The following PDGFRB variants were observed in gnomAD, a reference collection of about 807,000 sequenced individuals.
PDGFRB encodes the protein platelet-derived growth factor receptor beta.
In PDGFRB, 42 loss-of-function variants were observed where a neutral mutation model predicts 120.2. The observed-to-expected ratio is 0.35, with a 90% CI of 0.27 to 0.45. The LOEUF (loss-of-function observed/expected upper bound fraction) is 0.45. Among genes scored for constraint, PDGFRB ranks in the 20% least tolerant of loss-of-function variants. The probability of loss-of-function intolerance (pLI) is 1.00; values close to 1 mark genes in which losing one functional copy is unlikely to be tolerated. For missense variants in PDGFRB, 1,149 were observed against 1,476.3 expected (o/e 0.78, Z 3.63); for synonymous variants, 586 against 606.8 (o/e 0.97, Z 0.50).
intron 6 of PDGFRB, 65 bp downstream of exon 6, chr5:150,133,507 TCACTCTGCACCCAG>T: frequency 8.3e-7 from 1 of 1,202,562 alleles, no homozygotes; most frequent in Non-Finnish European, 1.2e-6. Context: ...ACTCTCACCA[TCACTCTGCACCCAG>T]CAAAGTGGGT....
At chr5:150,126,471 A>T (rs1477991305) in intron 11 of PDGFRB, 49 bp downstream of exon 11, 1 of 1,005,088 alleles carries the variant, frequency 9.9e-7, no homozygotes, top group Admixed American at 1.7e-5. Context: ...GAATTTATGC[A>T]AAATAATGAT....
Position 150,122,981 on chromosome 5 carries a change from G to A in PDGFRB, c.2183+61C>T, listed in dbSNP as rs895413290. On this transcript the variant is annotated intron_variant, in intron 15 of 22. Transcript: ENST00000261799. Reference sequence around the variant, plus strand: ...AGCTTCCCCTCCTGGACAAAAGGAGGGGAAGGAGCGGTGCTCCTCAGGTAT... The same window carrying A: ...AGCTTCCCCTCCTGGACAAAAGGAGAGGAAGGAGCGGTGCTCCTCAGGTAT... 2.1e-6 allele frequency: 3 copies of A among 1,415,650 alleles called. No homozygotes were observed. In the African/African-American group the frequency reaches 4.2e-5, roughly 20 times the overall value. The allele number at this position is 1,415,650 out of a possible 1,614,324, so 87.7% of individuals were successfully genotyped here.
chr5:150,122,503 T>C (rs1220936825), intron 15 of PDGFRB, among the ~76,000 whole-genome samples: 5 of 152,278 alleles, frequency 3.3e-5, no homozygotes. Flanking sequence ...CTTTGGCTCC[T>C]GGGAGACTGA....
At chr5:150,135,089 A>C (rs1760585926) in intron 3 of PDGFRB, 73 bp from the exon 4 acceptor site, 3 of 779,418 alleles carry the variant, frequency 3.8e-6, no homozygotes, top group African/African-American at 3.4e-5. Flanking sequence ...CTGTGTGGCA[A>C]GTCATTTGCC....
intron 22 of PDGFRB, among the ~76,000 whole-genome samples, chr5:150,116,283 G>A (rs77572472): frequency 0.029 from 4,423 of 152,170 alleles, 210 homozygotes; most frequent in African/African-American, 0.096. Flanking sequence ...TGCAATGACC[G>A]CCTAATAGAA....
chr5:150,134,261 A>G (rs1288725015), intron 4 of PDGFRB, among the ~76,000 whole-genome samples: 1 of 152,226 alleles, frequency 6.6e-6, no homozygotes, highest in Non-Finnish European at 1.5e-5. Flanking sequence ...CAGTCTGGAA[A>G]TCAAAGTACC....
chr5:150,132,586 G>C lies in PDGFRB; in HGVS notation c.1127+164C>G, dbSNP rs1194801112. On this transcript the variant is annotated intron_variant, in intron 7 of 22. Coordinates refer to ENST00000261799, the MANE Select transcript of PDGFRB (RefSeq NM_002609.4). This position sits in a 1 kb window ranked among gnomAD's most constrained non-coding sequence, Gnocchi z 5.0. ...TTCCTCCACTAGACTAGAAACTCTA[G>C]GAGGGATGAACTGTCAGCTCTGGTC... 6.6e-6 allele frequency among the ~76,000 whole-genome samples: 1 copy of C among 152,262 alleles called. No individual in the cohort carries two copies. Among genetic ancestry groups the C allele is most frequent in the African/African-American group, 2.4e-5 (1 of 41,470 alleles).
intron 1 of PDGFRB, among the ~76,000 whole-genome samples, chr5:150,147,284 C>T (rs1235696765): frequency 1.3e-5 from 2 of 152,218 alleles, no homozygotes; most frequent in Non-Finnish European, 2.9e-5. Flanking sequence ...AGCCTCATCT[C>T]CGGCCGGTGC....
At position 150,114,878 on chromosome 5, in the gene PDGFRB, C is replaced by T. The variant is rs1759876851; in HGVS notation, c.*885G>A. 4.3e-6 allele frequency: 1 copy of T among 233,326 alleles called. No homozygotes were observed. Among genetic ancestry groups the T allele is most frequent in the African/African-American group, 2.2e-5 (1 of 45,336 alleles). The allele number at this position is 233,326 out of a possible 1,614,324, so 14.5% of individuals were successfully genotyped here. ...TTCCTCCAAAGCCTCATAGCAGGTC[C>T]AATGCAGAGCCAGGGCCATATACTG... On this transcript the variant is annotated 3_prime_UTR_variant, in exon 23 of 23. Coordinates refer to ENST00000261799, the MANE Select transcript of PDGFRB (RefSeq NM_002609.4).
intron 1 of PDGFRB, among the ~76,000 whole-genome samples, chr5:150,143,198 A>G (rs1054624204): frequency 6.6e-6 from 1 of 152,234 alleles, no homozygotes; most frequent in Non-Finnish European, 1.5e-5. Flanking sequence ...AAAGCTTGTA[A>G]GTTGTTTATT....
At chr5:150,129,691 T>C (rs750646503) in intron 10 of PDGFRB, 66 bp downstream of exon 10, 4 of 1,361,696 alleles carry the variant, frequency 2.9e-6, no homozygotes, top group Non-Finnish European at 2.1e-6. Flanking sequence ...CATGGGCACA[T>C]TACCAATTAG....
chr5:150,155,657 G>A lies in PDGFRB; in HGVS notation c.-267C>T, dbSNP rs1761211074. ...ACTCCCCAAGCATCCTTCGGGAGGA[G>A]CAGAGCCGCCAGAGGGGCCGCCCTG... On this transcript the variant is annotated 5_prime_UTR_variant, in exon 1 of 23. Transcript: ENST00000261799. 2.5e-6 allele frequency: 1 copy of A among 398,744 alleles called. No homozygotes were observed. The highest frequency in any genetic ancestry group is 2.1e-5 in the African/African-American group (1 of 48,768). 24.7% of individuals were successfully genotyped at this position (398,744 alleles called of 1,614,324 possible).
chr5:150,140,419 G>A (rs912501965), intron 1 of PDGFRB, among the ~76,000 whole-genome samples: 1 of 152,200 alleles, frequency 6.6e-6, no homozygotes, highest in Non-Finnish European at 1.5e-5. Flanking sequence ...CTAGAGCAGA[G>A]AGAGGGAGGG....
chr5:150,119,825 TAA>T lies in PDGFRB; in HGVS notation c.2698+185_2698+186del, dbSNP rs1441484831. Among the ~76,000 whole-genome samples, 4 of 152,086 alleles carry T rather than the reference TAA, an allele frequency of 2.6e-5. No individual in the cohort carries two copies. The South Asian group carries it at 6.2e-4, about 24-fold the overall frequency. On this transcript the variant is annotated intron_variant, in intron 19 of 22. Coordinates refer to ENST00000261799, the MANE Select transcript of PDGFRB (RefSeq NM_002609.4). ...ACCTGTCAATGCTCAGACAGGGAGA[TAA>T]AGAGACCCAGAGAGGGCAAAGAATT...
At chr5:150,148,239 CCA>C (rs1233086187) in intron 1 of PDGFRB, among the ~76,000 whole-genome samples, 2 of 152,186 alleles carry the variant, frequency 1.3e-5, no homozygotes, top group African/African-American at 4.8e-5. Flanking sequence ...ATATGACTTC[CCA>C]CAAATCAGGA....
intron 20 of PDGFRB, 60 bp downstream of exon 20, chr5:150,119,407 G>A: frequency 1.1e-6 from 1 of 939,328 alleles, no homozygotes; most frequent in Non-Finnish European, 1.8e-6. Context: ...TAAGCCAGTA[G>A]AGTTGGATAT....
chr5:150,146,881 C>T (rs1760937677), intron 1 of PDGFRB, among the ~76,000 whole-genome samples: 3 of 152,244 alleles, frequency 2.0e-5, no homozygotes. Flanking sequence ...GGTCCCGCCT[C>T]TGCTCTGACT....
At position 150,118,800 on chromosome 5, in the gene PDGFRB, A is replaced by AG. The variant is rs1760044876; in HGVS notation, c.2850dup (p.Phe951LeufsTer25). 1.9e-6 allele frequency: 3 copies of AG among 1,613,576 alleles called. No homozygotes were observed. The highest frequency in any genetic ancestry group is 1.7e-6 in the Non-Finnish European group (2 of 1,179,562). On this transcript the variant is annotated frameshift_variant, in exon 21 of 23. Transcript: ENST00000261799. LOFTEE classifies it high-confidence loss of function. ...TCGAGAAGCAGCACCAGCTGGGAGA[A>AG]GGGGGGCCGAATCTCAAACTTCTCT...
Position 150,115,569 on chromosome 5 carries a change from G to A in PDGFRB, c.*194C>T, listed in dbSNP as rs1268551539. 10 of 465,184 alleles carry A rather than the reference G, an allele frequency of 2.1e-5. No individual in the cohort carries two copies. Among genetic ancestry groups the A allele is most frequent in the Middle Eastern group, 5.3e-4 (1 of 1,892 alleles). The allele number at this position is 465,184 out of a possible 1,614,324, so 28.8% of individuals were successfully genotyped here. On this transcript the variant is annotated 3_prime_UTR_variant, in exon 23 of 23. Coordinates refer to ENST00000261799, the MANE Select transcript of PDGFRB (RefSeq NM_002609.4). ...TCCCTGGAGGCAGAGGGCTGGTCACGGCCCCTGCAGTTTTCTTGCCTCCTA... is the reference window on the plus strand; with the variant it reads ...TCCCTGGAGGCAGAGGGCTGGTCACAGCCCCTGCAGTTTTCTTGCCTCCTA...
Sources: allele counts gnomAD v4.1 joint callset (sites outside exome capture counted in the v4.1 genomes callset), GRCh38; gene constraint gnomAD v4.1.1; non-coding constraint Gnocchi (gnomAD v3.1); transcripts MANE v1.5; gene names NCBI Gene and HGNC (gene_info 2026-07-23, HGNC 2026-07-21).